Variants in PCDHGA4 observed in about 807,000 individuals in gnomAD.
The protein encoded by PCDHGA4 is protocadherin gamma-A4.
Under a neutral mutation model 54.6 loss-of-function variants are expected in PCDHGA4, and 38 were observed. The observed-to-expected ratio is 0.70, with a 90% CI of 0.54 to 0.91. The LOEUF (loss-of-function observed/expected upper bound fraction) is 0.91. Ranked by LOEUF, PCDHGA4 falls within the 40% of genes least tolerant of loss-of-function variation. The pLI is 0.00. For synonymous variants in PCDHGA4, 511 were observed against 512.9 expected (o/e 1.00, Z 0.05); for missense variants, 1,298 against 1,220.9 (o/e 1.06, Z -0.94).
chr5:141,475,721 G>C (rs867365261), intron 1 of PCDHGA4, among the ~76,000 whole-genome samples: 5 of 152,248 alleles, frequency 3.3e-5, no homozygotes, highest in Non-Finnish European at 7.3e-5. Context: ...ACAGCCCCAA[G>C]GCTGGCTTTC....
chr5:141,423,943 G>GA, intron 1 of PCDHGA4: 1 of 1,211,382 alleles, frequency 8.3e-7, no homozygotes, highest in Non-Finnish European at 1.0e-6. Flanking sequence ...GAAGTAAGTT[G>GA]AATTTTAGTA....
intron 2 of PCDHGA4, among the ~76,000 whole-genome samples, chr5:141,504,748 T>A (rs979724181): frequency 7.2e-5 from 11 of 151,880 alleles, no homozygotes; most frequent in Non-Finnish European, 1.3e-4. Context: ...CCATTGAATT[T>A]TAGAAATTTC....
In PCDHGA4 at chr5:141,357,378, C is replaced by A. The variant is rs1489356884; in HGVS notation, c.2271C>A (p.His757Gln). 3 of 1,614,096 alleles carry A rather than the reference C, an allele frequency of 1.9e-6. No individual in the cohort carries two copies. The South Asian group carries it at 3.3e-5, about 18-fold the overall frequency. The change falls in exon 1 of 4, where the codon CAC becomes CAA. Residue 757 changes from histidine (H) to glutamine (Q), a missense_variant. By Grantham distance (24) the His-to-Gln change is conservative (BLOSUM62 0). Transcript: ENST00000571252. Reference protein sequence around the residue: ...LRRWHKSRLLHAEGSRLAGVP... With the variant: ...LRRWHKSRLLQAEGSRLAGVP... ...GCTGGCACAAGTCACGCCTGCTTCA[C>A]GCTGAAGGCAGCAGGTTGGCAGGTG...
At chr5:141,406,748 A>G (rs180930343) in intron 1 of PCDHGA4, among the ~76,000 whole-genome samples, 80 of 152,312 alleles carry the variant, frequency 5.3e-4, no homozygotes, top group Non-Finnish European at 1.5e-4. Context: ...GTGAAATGAC[A>G]AAACAAGGAA....
At chr5:141,417,772 C>A (rs2240701) in intron 1 of PCDHGA4, 340,590 of 1,455,726 alleles carry the variant, frequency 0.23, 43,476 homozygotes, top group African/African-American at 0.5. Flanking sequence ...GGGACTCCTC[C>A]TGTCCTGGGC....
At position 141,373,653 on chromosome 5, in the gene PCDHGA4, A is replaced by T. The variant is rs149501628; in HGVS notation, c.2514+16032A>T. Among the ~76,000 whole-genome samples, 35 of 152,376 alleles carry T rather than the reference A, an allele frequency of 2.3e-4. No individual in the cohort carries two copies. In the East Asian group the frequency reaches 6.4e-3, roughly 28 times the overall value. On this transcript the variant is annotated intron_variant, in intron 1 of 3. Transcript: ENST00000571252. The stretch of plus-strand genomic sequence containing the variant: ...TTTCTGTTCCCCAAGGTCCTAAGAG[A>T]TATTTTCATAAAAATGAATGGTAAA...
At chr5:141,458,645 C>T (rs1162232847) in intron 1 of PCDHGA4, among the ~76,000 whole-genome samples, 2 of 152,170 alleles carry the variant, frequency 1.3e-5, no homozygotes, top group Non-Finnish European at 2.9e-5. Flanking sequence ...TCCCAGCTCA[C>T]TGCAACCTCC....
rs755093164 is a variant in PCDHGA4, at chr5:141,485,516, G to C, written c.2515-9291G>C. On this transcript the variant is annotated intron_variant, in intron 1 of 3. Coordinates refer to ENST00000571252, the MANE Select transcript of PCDHGA4 (RefSeq NM_018917.4). The surrounding 1 kb of genome is among the most constrained non-coding windows in gnomAD (Gnocchi z 5.7). Reference sequence around the variant, plus strand: ...GGAGTTTGTCACCGAAGGTCCTTTGGAAATGTACCGAGCAGAGGTAGAGAT... The same window carrying C: ...GGAGTTTGTCACCGAAGGTCCTTTGCAAATGTACCGAGCAGAGGTAGAGAT... 1 of 1,614,172 alleles carries C rather than the reference G, an allele frequency of 6.2e-7. No individual in the cohort carries two copies.
chr5:141,502,446 C>T (rs541278139), intron 2 of PCDHGA4, among the ~76,000 whole-genome samples: 1 of 152,098 alleles, frequency 6.6e-6, no homozygotes, highest in South Asian at 2.1e-4. Context: ...ATTCAGATTA[C>T]ACACCTTGGT....
chr5:141,408,380 G>T, intron 1 of PCDHGA4: 1 of 1,614,028 alleles, frequency 6.2e-7, no homozygotes, highest in East Asian at 2.2e-5. Context: ...CAGTGTCCTG[G>T]ATGTGTCGGC....
At chr5:141,426,667 A>G in intron 1 of PCDHGA4, 2 of 430,860 alleles carry the variant, frequency 4.6e-6, no homozygotes, top group Non-Finnish European at 9.5e-6. Context: ...ATAAATGATA[A>G]CCCACCTCAT....
In PCDHGA4 at chr5:141,355,438, C is replaced by G; in HGVS notation, c.331C>G (p.Arg111Gly). ...GRTQLFALNPRSGTLVTAGRI... is the reference protein window; with the variant it reads ...GRTQLFALNPGSGTLVTAGRI... ...GACGCAGCTTTTCGCCCTGAACCCG[C>G]GCAGCGGCACCTTGGTCACCGCGGG... The change falls in exon 1 of 4, where the codon CGC becomes GGC. Residue 111 changes from arginine (R) to glycine (G), a missense_variant. Coordinates refer to ENST00000571252, the MANE Select transcript of PCDHGA4 (RefSeq NM_018917.4). 3 of 1,614,084 alleles carry G rather than the reference C, an allele frequency of 1.9e-6. No homozygotes were observed. The highest frequency in any genetic ancestry group is 2.5e-6 in the Non-Finnish European group (3 of 1,179,926).
intron 1 of PCDHGA4, chr5:141,484,858 T>A: frequency 4.1e-6 from 1 of 245,806 alleles, no homozygotes; most frequent in Non-Finnish European, 7.8e-6. Context: ...TTTTGGGGGG[T>A]GGGGGAGCGT....
intron 1 of PCDHGA4, among the ~76,000 whole-genome samples, chr5:141,397,021 AC>A (rs1313075505): frequency 6.6e-6 from 1 of 152,234 alleles, no homozygotes; most frequent in Non-Finnish European, 1.5e-5. Context: ...AAGAAGGTTG[AC>A]CAATGTCCAC....
intron 1 of PCDHGA4, chr5:141,413,192 A>G: frequency 1.2e-6 from 2 of 1,607,816 alleles, no homozygotes; most frequent in South Asian, 2.2e-5. Context: ...GCTCAAAGGA[A>G]TCGCTCAAAG....
Position 141,364,369 on chromosome 5 carries a change from G to A in PCDHGA4, c.2514+6748G>A, listed in dbSNP as rs561217831. The A allele has an allele frequency of 3.3e-5, 52 of 1,567,648 alleles. 1 individual carries two copies. Among genetic ancestry groups the A allele is most frequent in the Non-Finnish European group, 3.6e-5 (42 of 1,158,852 alleles). Reference sequence around the variant, plus strand: ...CTAGGGGCTGGGGCTGCGGAGAGCTGCTGCTGCCCTTCATGCTCCTGGGGA... The same window carrying A: ...CTAGGGGCTGGGGCTGCGGAGAGCTACTGCTGCCCTTCATGCTCCTGGGGA... On this transcript the variant is annotated intron_variant, in intron 1 of 3. Coordinates refer to ENST00000571252, the MANE Select transcript of PCDHGA4 (RefSeq NM_018917.4).
At chr5:141,404,806 G>T (rs774487660) in intron 1 of PCDHGA4, 2 of 1,613,992 alleles carry the variant, frequency 1.2e-6, no homozygotes, top group South Asian at 1.1e-5. Context: ...GGCTCTTCTC[G>T]GTGGGGCTGC....
Position 141,511,225 on chromosome 5 carries a change from C to T in PCDHGA4, c.*52C>T, listed in dbSNP as rs2099883678. On this transcript the variant is annotated 3_prime_UTR_variant, in exon 4 of 4. Transcript: ENST00000571252. Reference sequence around the variant, plus strand: ...GGCGGCCTCTCCCCAACCAGCCCAGCTTCTCCTTACCTGCACCCAGGCCTC... The same window carrying T: ...GGCGGCCTCTCCCCAACCAGCCCAGTTTCTCCTTACCTGCACCCAGGCCTC... 1.9e-6 allele frequency: 3 copies of T among 1,601,506 alleles called. No individual in the cohort carries two copies. Among genetic ancestry groups the T allele is most frequent in the Non-Finnish European group, 2.6e-6 (3 of 1,174,170 alleles).
intron 1 of PCDHGA4, among the ~76,000 whole-genome samples, chr5:141,363,355 A>G (rs1252929193): frequency 6.6e-6 from 1 of 152,170 alleles, no homozygotes; most frequent in Non-Finnish European, 1.5e-5. Context: ...TGAAATGTCC[A>G]TTTTTTTCAA....
Sources: allele counts gnomAD v4.1 joint callset (sites outside exome capture counted in the v4.1 genomes callset), GRCh38; gene constraint gnomAD v4.1.1; non-coding constraint Gnocchi (gnomAD v3.1); transcripts MANE v1.5; gene names NCBI Gene and HGNC (gene_info 2026-07-23, HGNC 2026-07-21).